The following PBX3 variants were observed in gnomAD, a reference collection of about 807,000 sequenced individuals.
PBX3 encodes the protein PBX homeobox 3, also known as pre-B-cell leukemia transcription factor 3.
A neutral mutation model predicts 48.5 loss-of-function variants in PBX3; 14 were observed. The observed-to-expected ratio is 0.29, with a 90% CI of 0.19 to 0.45. The LOEUF is 0.45. Among genes scored for constraint, PBX3 ranks in the 20% least tolerant of loss-of-function variants. PBX3 has a pLI of 1.00. For missense variants in PBX3, 386 were observed against 546.7 expected, an observed-to-expected ratio of 0.71 and a Z score of 2.93; for synonymous variants, 210 against 200.3, an observed-to-expected ratio of 1.05 and a Z score of -0.41.
chr9:125,807,337 GA>G (rs908753469), intron 2 of PBX3, among the ~76,000 whole-genome samples: 8,870 of 141,320 alleles, frequency 0.063, 588 homozygotes, highest in East Asian at 0.17. Flanking sequence ...ACTCAAAAAA[GA>G]AAAAAAAAAA....
chr9:125,875,518 A>G (rs1840227817), intron 2 of PBX3, among the ~76,000 whole-genome samples: 1 of 152,174 alleles, frequency 6.6e-6, no homozygotes, highest in Admixed American at 6.5e-5. Context: ...AGGGAAGGGA[A>G]GGACGTTCTA....
At chr9:125,901,931 C>T (rs550076428) in intron 2 of PBX3, among the ~76,000 whole-genome samples, 8 of 151,826 alleles carry the variant, frequency 5.3e-5, no homozygotes, top group Admixed American at 1.3e-4. Context: ...TTGCCTAGAC[C>T]GTGACGCACA....
intron 2 of PBX3, among the ~76,000 whole-genome samples, chr9:125,877,749 T>C (rs1346320042): frequency 6.6e-6 from 1 of 152,196 alleles, no homozygotes; most frequent in Non-Finnish European, 1.5e-5. Flanking sequence ...ACTTTAGATT[T>C]GGGCATCTGT....
intron 2 of PBX3, among the ~76,000 whole-genome samples, chr9:125,810,503 C>G (rs1838258596): frequency 6.6e-6 from 1 of 152,018 alleles, no homozygotes; most frequent in Non-Finnish European, 1.5e-5. Flanking sequence ...CATTCTGACT[C>G]TCCATGATTT....
intron 2 of PBX3, among the ~76,000 whole-genome samples, chr9:125,902,858 A>C (rs1840981901): frequency 6.6e-6 from 1 of 151,800 alleles, no homozygotes; most frequent in Non-Finnish European, 1.5e-5. Context: ...AGACCAAGTA[A>C]TCTGCAAAGC....
chr9:125,783,791 G>T (rs1217800327), intron 2 of PBX3, among the ~76,000 whole-genome samples: 1 of 151,804 alleles, frequency 6.6e-6, no homozygotes, highest in African/African-American at 2.4e-5. Context: ...CTGAAGTCAG[G>T]AGTTCGAGAC....
At position 125,949,525 on chromosome 9, in the gene PBX3, T is replaced by C. The variant is rs1304376280; in HGVS notation, c.844-11159T>C. 3.4e-6 allele frequency: 5 copies of C among 1,490,252 alleles called. No homozygotes were observed. In the African/African-American group the frequency reaches 5.6e-5, roughly 17 times the overall value. The allele number at this position is 1,490,252 out of a possible 1,614,324, so 92.3% of individuals were successfully genotyped here. A position where few individuals can be genotyped will look rare whatever the true frequency, so the allele number is the denominator to read the frequency against. Reference sequence around the variant, plus strand: ...TTCTTAGTCTCTGATGGACCTATACTGTGTATATATATATATAGTATTCTT... The same window carrying C: ...TTCTTAGTCTCTGATGGACCTATACCGTGTATATATATATATAGTATTCTT... On this transcript the variant is annotated intron_variant, in intron 5 of 8. Transcript: ENST00000373489.
intron 2 of PBX3, among the ~76,000 whole-genome samples, chr9:125,908,709 C>T (rs759861149): frequency 5.3e-5 from 8 of 152,018 alleles, no homozygotes; most frequent in Admixed American, 1.3e-4. Flanking sequence ...TTCTTTCCCC[C>T]GACTTAGATT....
At chr9:125,859,948 G>C (rs1839819230) in intron 2 of PBX3, among the ~76,000 whole-genome samples, 1 of 152,176 alleles carries the variant, frequency 6.6e-6, no homozygotes, top group Non-Finnish European at 1.5e-5. Context: ...CTGTCCTTGA[G>C]GGAACTGAAA....
intron 2 of PBX3, among the ~76,000 whole-genome samples, chr9:125,807,597 G>A (rs1588166611): frequency 1.3e-5 from 2 of 152,054 alleles, no homozygotes; most frequent in Non-Finnish European, 2.9e-5. Context: ...AATCTAAAAG[G>A]CTAGTATGTA....
chr9:125,785,945 T>TC (rs1449242189), intron 2 of PBX3, among the ~76,000 whole-genome samples: 2 of 141,724 alleles, frequency 1.4e-5, no homozygotes, highest in African/African-American at 5.0e-5. Context: ...TAAAGTCGCT[T>TC]TTTTTTTTTT....
intron 2 of PBX3, among the ~76,000 whole-genome samples, chr9:125,914,075 A>G (rs1342340805): frequency 6.6e-6 from 1 of 152,232 alleles, no homozygotes; most frequent in Non-Finnish European, 1.5e-5. Flanking sequence ...AACTTAACCA[A>G]TACATGGCAG....
At chr9:125,810,494 A>G (rs534681160) in intron 2 of PBX3, among the ~76,000 whole-genome samples, 1 of 152,054 alleles carries the variant, frequency 6.6e-6, no homozygotes, top group Admixed American at 6.5e-5. Flanking sequence ...ACAGAATTTC[A>G]TTCTGACTCT....
chr9:125,921,942 T>G (rs1246594811), intron 3 of PBX3, among the ~76,000 whole-genome samples: 5 of 152,186 alleles, frequency 3.3e-5, no homozygotes, highest in Non-Finnish European at 7.4e-5. Context: ...AATTCAGTTT[T>G]TAGATCTGAT....
At chr9:125,947,858 A>G (rs1431156102) in intron 5 of PBX3, among the ~76,000 whole-genome samples, 1 of 152,192 alleles carries the variant, frequency 6.6e-6, no homozygotes, top group African/African-American at 2.4e-5. Flanking sequence ...TGTTGATCTA[A>G]TAATATCAGA....
chr9:125,807,724 A>G (rs1838168425), intron 2 of PBX3, among the ~76,000 whole-genome samples: 1 of 152,120 alleles, frequency 6.6e-6, no homozygotes, highest in Admixed American at 6.5e-5. Context: ...GGTACATGAT[A>G]GTTCATCAAA....
chr9:125,820,733 A>G (rs903199131), intron 2 of PBX3, among the ~76,000 whole-genome samples: 6 of 152,166 alleles, frequency 3.9e-5, no homozygotes, highest in Non-Finnish European at 7.3e-5. Flanking sequence ...TCTGCATAAA[A>G]TTTCCAAGCT....
At chr9:125,850,657 A>G (rs1839553171) in intron 2 of PBX3, among the ~76,000 whole-genome samples, 1 of 152,028 alleles carries the variant, frequency 6.6e-6, no homozygotes, top group Non-Finnish European at 1.5e-5. Flanking sequence ...TCAGTATTGT[A>G]CTGAAAAATT....
intron 2 of PBX3, among the ~76,000 whole-genome samples, chr9:125,838,774 C>T (rs1308413618): frequency 6.6e-6 from 1 of 152,138 alleles, no homozygotes; most frequent in Non-Finnish European, 1.5e-5. Flanking sequence ...GAACAAAGGC[C>T]AGGAGTCGTG....
Sources: gnomAD v4.1 joint callset for allele counts (sites outside exome capture counted in the v4.1 genomes callset) on GRCh38, gnomAD v4.1.1 for gene constraint, MANE v1.5 for transcripts, NCBI Gene and HGNC (gene_info 2026-07-23, HGNC 2026-07-21) for gene names.